Variants in SPAG16 observed in about 807,000 individuals in gnomAD.
The protein encoded by SPAG16 is sperm associated antigen 16, also known as sperm-associated antigen 16 protein.
In SPAG16, 86 loss-of-function variants were observed where a neutral mutation model predicts 80.4. That is an observed-to-expected ratio of 1.07 (90% confidence interval 0.90 to 1.28). The LOEUF is 1.28. Ranked by LOEUF, SPAG16 falls within the 50% of genes most tolerant of loss-of-function variation. The probability of loss-of-function intolerance (pLI) is 0.00; values close to 1 mark genes in which losing one functional copy is unlikely to be tolerated. For missense variants in SPAG16, 870 were observed against 765.3 expected (o/e 1.14, Z -1.61); for synonymous variants, 294 against 265.9 (o/e 1.11, Z -1.03).
At chr2:213,354,736 G>GA (rs2065532507) in intron 7 of SPAG16, among the ~76,000 whole-genome samples, 1 of 151,794 alleles carries the variant, frequency 6.6e-6, no homozygotes, top group South Asian at 2.1e-4. Context: ...TAAATTTGTT[G>GA]AAGTTATTTG....
chr2:213,541,533 T>C (rs1195610741), intron 10 of SPAG16, among the ~76,000 whole-genome samples: 1 of 152,110 alleles, frequency 6.6e-6, no homozygotes, highest in Non-Finnish European at 1.5e-5. Context: ...GGCAAGAGGA[T>C]AGCTCGAACC....
intron 14 of SPAG16, among the ~76,000 whole-genome samples, chr2:214,133,392 G>A (rs1046258511): frequency 6.6e-6 from 1 of 152,062 alleles, no homozygotes; most frequent in African/African-American, 2.4e-5. Flanking sequence ...AAGGCTGGGT[G>A]TGGTGGCTTA....
rs905025930 is a variant in SPAG16 at position 214,244,137 on chromosome 2, T to C, written c.1720+94871T>C. ...TACATATGTATAGGAAATAAAGGAA[T>C]GCCTTCAAATTATAAAAAATACTGA... On this transcript the variant is annotated intron_variant, in intron 15 of 15. Coordinates refer to ENST00000331683, the MANE Select transcript of SPAG16 (RefSeq NM_024532.5). 2.0e-5 allele frequency among the ~76,000 whole-genome samples: 3 copies of C among 152,096 alleles called. No homozygotes were observed. In the East Asian group the frequency reaches 5.8e-4, roughly 29 times the overall value.
At chr2:214,061,983 A>G (rs1559748579) in intron 13 of SPAG16, among the ~76,000 whole-genome samples, 3 of 70,278 alleles carry the variant, frequency 4.3e-5, no homozygotes, top group East Asian at 7.8e-4. Context: ...AAAAGCATGC[A>G]CACACACACA....
intron 9 of SPAG16, among the ~76,000 whole-genome samples, chr2:213,395,540 C>T (rs1172822865): frequency 6.6e-6 from 1 of 152,014 alleles, no homozygotes; most frequent in African/African-American, 2.4e-5. Context: ...GGTTTGATTT[C>T]TAGTTTGATT....
At chr2:213,444,285 G>A (rs1186797805) in intron 9 of SPAG16, among the ~76,000 whole-genome samples, 1 of 152,102 alleles carries the variant, frequency 6.6e-6, no homozygotes, top group Non-Finnish European at 1.5e-5. Flanking sequence ...ACTGGTCCTG[G>A]GGTGGAGTTT....
chr2:213,696,744 G>T (rs964636748), intron 10 of SPAG16, among the ~76,000 whole-genome samples: 2 of 152,144 alleles, frequency 1.3e-5, no homozygotes, highest in African/African-American at 4.8e-5. Flanking sequence ...GTCTGGAGGG[G>T]TGTCATTTGT....
intron 9 of SPAG16, among the ~76,000 whole-genome samples, chr2:213,453,551 A>T (rs1361403074): frequency 6.6e-6 from 1 of 152,218 alleles, no homozygotes; most frequent in Non-Finnish European, 1.5e-5. Context: ...ATTGTGGTAA[A>T]AGAGATTCTG....
At chr2:213,993,615 G>A (rs1169343380) in intron 12 of SPAG16, among the ~76,000 whole-genome samples, 7 of 152,140 alleles carry the variant, frequency 4.6e-5, no homozygotes, top group Admixed American at 4.6e-4. Context: ...TATCCATATA[G>A]CTTTTTAAGA....
At chr2:213,753,120 C>T (rs1418384241) in intron 10 of SPAG16, among the ~76,000 whole-genome samples, 5 of 152,196 alleles carry the variant, frequency 3.3e-5, no homozygotes, top group Non-Finnish European at 5.9e-5. Context: ...TCATGCCATT[C>T]TCCTGCCTCA....
At chr2:214,010,240 A>C (rs952966563) in intron 12 of SPAG16, among the ~76,000 whole-genome samples, 4 of 146,464 alleles carry the variant, frequency 2.7e-5, no homozygotes, top group African/African-American at 1.1e-4. Context: ...ACACAAATAG[A>C]ATAAACATAA....
At chr2:214,005,317 T>G (rs1289076036) in intron 12 of SPAG16, among the ~76,000 whole-genome samples, 1 of 152,198 alleles carries the variant, frequency 6.6e-6, no homozygotes, top group Non-Finnish European at 1.5e-5. Context: ...TATGATCATT[T>G]TATTTGTTCA....
chr2:213,656,402 G>A (rs1431215013), intron 10 of SPAG16, among the ~76,000 whole-genome samples: 4 of 152,156 alleles, frequency 2.6e-5, no homozygotes, highest in South Asian at 2.1e-4. Context: ...GATCTCCTCC[G>A]CCCGCCTCGG....
chr2:214,248,613 G>A (rs566568595), intron 15 of SPAG16, among the ~76,000 whole-genome samples: 9 of 151,944 alleles, frequency 5.9e-5, no homozygotes, highest in Admixed American at 3.3e-4. Flanking sequence ...CACCATGCCC[G>A]GCCGTGCTAG....
At chr2:214,225,240 A>G (rs1296224188) in intron 15 of SPAG16, among the ~76,000 whole-genome samples, 2 of 152,144 alleles carry the variant, frequency 1.3e-5, no homozygotes, top group Non-Finnish European at 2.9e-5. Context: ...GGAGCCAAAT[A>G]TTGTAGGGCC....
At chr2:213,483,444 A>G (rs561081834) in intron 9 of SPAG16, among the ~76,000 whole-genome samples, 1 of 152,340 alleles carries the variant, frequency 6.6e-6, no homozygotes, top group South Asian at 2.1e-4. Flanking sequence ...TTTACATGGT[A>G]TATATATTGA....
At chr2:213,639,128 A>G (rs2062488371) in intron 10 of SPAG16, among the ~76,000 whole-genome samples, 1 of 152,084 alleles carries the variant, frequency 6.6e-6, no homozygotes. Context: ...AGTTTATATG[A>G]GTCCTTATGT....
At position 213,293,892 on chromosome 2, in the gene SPAG16, TTACC is replaced by T. The variant is rs1255353955; in HGVS notation, c.137-2170_137-2167del. 5.4e-4 allele frequency among the ~76,000 whole-genome samples: 83 copies of T among 152,342 alleles called. 3 individuals carry two copies. The South Asian group carries it at 6.2e-3, about 11-fold the overall frequency. On this transcript the variant is annotated intron_variant, in intron 1 of 15. Coordinates refer to ENST00000331683, the MANE Select transcript of SPAG16 (RefSeq NM_024532.5). ...ACCACACCCAAGCTAATTAACCTATTTACCTCATATAGTTACCTTTTCACTTTTA... is the reference window on the plus strand; with the variant it reads ...ACCACACCCAAGCTAATTAACCTATTTCATATAGTTACCTTTTCACTTTTA...
At chr2:213,779,025 T>G (rs2069778478) in intron 10 of SPAG16, among the ~76,000 whole-genome samples, 1 of 152,206 alleles carries the variant, frequency 6.6e-6, no homozygotes, top group African/African-American at 2.4e-5. Context: ...TTGCCTTGAG[T>G]GAAGTTACTC....
Sources: gnomAD v4.1 joint callset for allele counts (sites outside exome capture counted in the v4.1 genomes callset) on GRCh38, gnomAD v4.1.1 for gene constraint, MANE v1.5 for transcripts, NCBI Gene and HGNC (gene_info 2026-07-23, HGNC 2026-07-21) for gene names.